The following CDH12 variants were observed in gnomAD, a reference collection of about 807,000 sequenced individuals.
CDH12 encodes the protein cadherin-12.
A neutral mutation model predicts 74.1 loss-of-function variants in CDH12; 41 were observed. That is an observed-to-expected ratio of 0.55 (90% CI 0.43 to 0.72). The LOEUF (loss-of-function observed/expected upper bound fraction) is 0.72, where lower values mean the gene tolerates loss of function less well. Among genes scored for constraint, CDH12 ranks in the 30% least tolerant of loss-of-function variants. CDH12 has a pLI of 0.00. For synonymous variants in CDH12, 399 were observed against 355.0 expected (o/e 1.12, Z -1.39); for missense variants, 945 against 977.2 (o/e 0.97, Z 0.44).
At chr5:22,587,238 TG>T (rs1740449950) in intron 1 of CDH12, among the ~76,000 whole-genome samples, 1 of 152,092 alleles carries the variant, frequency 6.6e-6, no homozygotes, top group African/African-American at 2.4e-5. Flanking sequence ...AGGAGTATGA[TG>T]GGGTATTCAC....
Position 22,680,773 on chromosome 5 carries a change from A to G in CDH12, c.-523+172285T>C, listed in dbSNP as rs183388059. Among the ~76,000 whole-genome samples, 25 of 151,708 alleles carry G rather than the reference A, an allele frequency of 1.6e-4. No homozygotes were observed. In the Middle Eastern group the frequency reaches 0.01, roughly 62 times the overall value. On this transcript the variant is annotated intron_variant, in intron 1 of 14. Coordinates refer to ENST00000382254, the MANE Select transcript of CDH12 (RefSeq NM_004061.5). ...ACTGTTCATCTATATCTTATTCACA[A>G]TCTCTCTCTTCTCCATTGATTTCTG... is the stretch of plus-strand genomic sequence containing the variant.
At chr5:22,529,982 G>T (rs984039923) in intron 1 of CDH12, among the ~76,000 whole-genome samples, 1 of 152,008 alleles carries the variant, frequency 6.6e-6, no homozygotes, top group Admixed American at 6.6e-5. Context: ...CAGCAAAACA[G>T]AATATTAAAA....
chr5:21,764,280 A>G (rs1213444487), intron 12 of CDH12, among the ~76,000 whole-genome samples: 6 of 152,074 alleles, frequency 3.9e-5, no homozygotes, highest in Non-Finnish European at 8.8e-5. Flanking sequence ...AGGCTGAGGC[A>G]CAAAAATCGC....
chr5:22,284,996 G>T (rs1272589983), intron 3 of CDH12, among the ~76,000 whole-genome samples: 5 of 146,240 alleles, frequency 3.4e-5, no homozygotes, highest in Non-Finnish European at 7.5e-5. Flanking sequence ...TGTGTGTAAA[G>T]AATATAAAAT....
chr5:22,240,952 G>T (rs1327246667), intron 3 of CDH12, among the ~76,000 whole-genome samples: 1 of 152,118 alleles, frequency 6.6e-6, no homozygotes, highest in Non-Finnish European at 1.5e-5. Context: ...AGAGGAAGAG[G>T]AGAAGGGCAA....
intron 3 of CDH12, among the ~76,000 whole-genome samples, chr5:22,373,434 A>G (rs1741384438): frequency 6.6e-6 from 1 of 152,156 alleles, no homozygotes; most frequent in African/African-American, 2.4e-5. Context: ...TGCCCAGCTC[A>G]CTGCTGCCAC....
At chr5:22,708,607 C>G (rs1311152870) in intron 1 of CDH12, among the ~76,000 whole-genome samples, 1 of 152,018 alleles carries the variant, frequency 6.6e-6, no homozygotes, top group Non-Finnish European at 1.5e-5. Flanking sequence ...AGTTAGAGCA[C>G]AGAGAGAAGA....
At chr5:22,282,502 A>C (rs1184169123) in intron 3 of CDH12, among the ~76,000 whole-genome samples, 1 of 152,160 alleles carries the variant, frequency 6.6e-6, no homozygotes, top group Non-Finnish European at 1.5e-5. Context: ...CCACCTGACA[A>C]AGGGCTAATA....
chr5:22,595,121 T>C (rs749724088), intron 1 of CDH12, among the ~76,000 whole-genome samples: 2 of 152,220 alleles, frequency 1.3e-5, no homozygotes, highest in Non-Finnish European at 1.5e-5. Context: ...TAAAATGATA[T>C]ACTATTAAAT....
At chr5:22,283,304 C>CAT (rs1321983588) in intron 3 of CDH12, among the ~76,000 whole-genome samples, 144 of 145,350 alleles carry the variant, frequency 9.9e-4, no homozygotes, top group African/African-American at 3.6e-3. Flanking sequence ...ATAGCATTTA[C>CAT]ATATATATAC....
chr5:22,155,927 T>A (rs1580336296), intron 4 of CDH12, among the ~76,000 whole-genome samples: 2 of 152,086 alleles, frequency 1.3e-5, no homozygotes, highest in Non-Finnish European at 2.9e-5. Context: ...AACCTATATG[T>A]CAGCCAGTAG....
rs376984080 is a variant in CDH12, at chr5:22,121,670, A to G, written c.-186-42808T>C. Among the ~76,000 whole-genome samples the G allele has an allele frequency of 1.1e-3, 165 of 152,300 alleles. 2 individuals are homozygous for G. In the South Asian group the frequency reaches 0.034, roughly 31 times the overall value. On this transcript the variant is annotated intron_variant, in intron 4 of 14. Coordinates refer to ENST00000382254, the MANE Select transcript of CDH12 (RefSeq NM_004061.5). Reference sequence around the variant, plus strand: ...AAGCTGTATATGAAGTCACTTAAACATTTGTGTATACATATTTTTGTGTAT... The same window carrying G: ...AAGCTGTATATGAAGTCACTTAAACGTTTGTGTATACATATTTTTGTGTAT...
intron 6 of CDH12, among the ~76,000 whole-genome samples, chr5:21,891,572 T>TACACACATACACACACACAC (rs1752900776): frequency 6.9e-6 from 1 of 144,954 alleles, no homozygotes; most frequent in Non-Finnish European, 1.5e-5. Flanking sequence ...CACACACACA[T>TACACACATACACACACACAC]ACACACACAC....
chr5:22,036,817 C>T (rs182505413), intron 5 of CDH12, among the ~76,000 whole-genome samples: 1 of 152,076 alleles, frequency 6.6e-6, no homozygotes, highest in East Asian at 1.9e-4. Context: ...CTAGCATTTC[C>T]CAGACAAAGG....
intron 1 of CDH12, chr5:22,580,646 A>C: frequency 2.2e-6 from 1 of 456,668 alleles, no homozygotes; most frequent in Non-Finnish European, 4.4e-6. Context: ...ACCACAAAAT[A>C]GGCACAGCCT....
intron 3 of CDH12, among the ~76,000 whole-genome samples, chr5:22,404,839 A>G (rs1193773939): frequency 6.6e-6 from 1 of 152,250 alleles, no homozygotes; most frequent in African/African-American, 2.4e-5. Context: ...ACAAATTAAC[A>G]TATGTGACCA....
chr5:22,700,278 C>G (rs2126958474), intron 1 of CDH12, among the ~76,000 whole-genome samples: 2 of 152,296 alleles, frequency 1.3e-5, no homozygotes, highest in African/African-American at 4.8e-5. Context: ...TCCTTTTCCA[C>G]TTCAAACATC....
At chr5:21,950,757 T>TTTTTTTTTATTA (rs369699094) in intron 6 of CDH12, among the ~76,000 whole-genome samples, 40 of 136,986 alleles carry the variant, frequency 2.9e-4, no homozygotes, top group Non-Finnish European at 5.1e-4. Flanking sequence ...TAAATTTTAT[T>TTTTTTTTTATTA]TTATTATTAT....
chr5:22,186,672 C>T (rs1304880462), intron 4 of CDH12, among the ~76,000 whole-genome samples: 2 of 152,128 alleles, frequency 1.3e-5, no homozygotes, highest in African/African-American at 2.4e-5. Flanking sequence ...CTTTTCACCA[C>T]GTTGGCCAGT....
Sources: allele counts gnomAD v4.1 joint callset (sites outside exome capture counted in the v4.1 genomes callset), GRCh38; gene constraint gnomAD v4.1.1; transcripts MANE v1.5; gene names NCBI Gene and HGNC (gene_info 2026-07-23, HGNC 2026-07-21).